Variants in HIP1 observed in about 807,000 individuals in gnomAD.
HIP1 encodes the protein huntingtin interacting protein 1, also known as huntingtin-interacting protein 1.
HIP1 carries 65 observed loss-of-function variants against 147.6 expected under a neutral mutation model. That is an observed-to-expected ratio of 0.44 (90% CI 0.36 to 0.54). The LOEUF is 0.54. Among genes scored for constraint, HIP1 ranks in the 20% least tolerant of loss-of-function variants. The pLI is 0.00. For synonymous variants in HIP1, 479 were observed against 504.0 expected, an observed-to-expected ratio of 0.95 and a Z score of 0.67; for missense variants, 1,061 against 1,299.6, an observed-to-expected ratio of 0.82 and a Z score of 2.82.
chr7:75,684,755 G>A (rs1554517414), intron 1 of HIP1, among the ~76,000 whole-genome samples: 1 of 152,108 alleles, frequency 6.6e-6, no homozygotes. Context: ...TTGTTCACAT[G>A]TCCCTAGAAG....
chr7:75,669,783 A>G (rs1799680835), intron 1 of HIP1, among the ~76,000 whole-genome samples: 1 of 152,154 alleles, frequency 6.6e-6, no homozygotes, highest in South Asian at 2.1e-4. Flanking sequence ...ATGTTGTAGC[A>G]TGAATCAGCA....
intron 1 of HIP1, among the ~76,000 whole-genome samples, chr7:75,703,955 A>G (rs1360949627): frequency 2.0e-5 from 3 of 152,156 alleles, no homozygotes; most frequent in Non-Finnish European, 4.4e-5. Context: ...GAGTCTAGGG[A>G]AAAGCCAGGG....
In HIP1 at chr7:75,592,519, G is replaced by C. The variant is rs782119761; in HGVS notation, c.185-5C>G. On this transcript the variant is annotated splice_polypyrimidine_tract_variant and splice_region_variant and intron_variant, in intron 2 of 30. Coordinates refer to ENST00000336926, the MANE Select transcript of HIP1 (RefSeq NM_005338.7). The stretch of plus-strand genomic sequence containing the variant: ...GGTGGGTGCCCAGTATGCACGGTGA[G>C]GGGGGGTTATGGAAAACAACGGATG... 2 of 1,605,708 alleles carry C rather than the reference G, an allele frequency of 1.2e-6. No homozygotes were observed. The highest frequency in any genetic ancestry group is 2.2e-5 in the South Asian group (2 of 90,564).
chr7:75,606,381 AC>A (rs1797224607), intron 1 of HIP1, among the ~76,000 whole-genome samples: 1 of 152,090 alleles, frequency 6.6e-6, no homozygotes, highest in Non-Finnish European at 1.5e-5. Context: ...GGAGTTCAAG[AC>A]CAGCCTAGCC....
In HIP1 at chr7:75,567,556, A is replaced by G. The variant is rs587754263; in HGVS notation, c.803+643T>C. 3.3e-5 allele frequency among the ~76,000 whole-genome samples: 5 copies of G among 151,502 alleles called. No individual in the cohort carries two copies. In the East Asian group the frequency reaches 9.7e-4, roughly 29 times the overall value. ...AGTGGCTCACGCCTGTAATCCCAACACTTTGGGAGGCTGAGGTGGGCAGAT... is the reference window on the plus strand; with the variant it reads ...AGTGGCTCACGCCTGTAATCCCAACGCTTTGGGAGGCTGAGGTGGGCAGAT... On this transcript the variant is annotated intron_variant, in intron 9 of 30. Transcript: ENST00000336926.
chr7:75,611,867 C>T, intron 1 of HIP1: 2 of 1,019,794 alleles, frequency 2.0e-6, no homozygotes, highest in Non-Finnish European at 2.4e-6. Flanking sequence ...AGGAAGGGCG[C>T]CTTTCTCCCA....
At chr7:75,737,268 C>T (rs566975240) in intron 1 of HIP1, among the ~76,000 whole-genome samples, 2 of 151,836 alleles carry the variant, frequency 1.3e-5, no homozygotes, top group African/African-American at 4.8e-5. Flanking sequence ...CACTATGTTG[C>T]CCAGGTGGGG....
intron 1 of HIP1, among the ~76,000 whole-genome samples, chr7:75,637,641 G>A (rs1195665666): frequency 2.1e-5 from 3 of 145,726 alleles, no homozygotes; most frequent in Non-Finnish European, 4.5e-5. Flanking sequence ...CCAACCTCTG[G>A]GCACTCACTG....
At chr7:75,632,731 A>G (rs1230710638) in intron 1 of HIP1, among the ~76,000 whole-genome samples, 2 of 152,052 alleles carry the variant, frequency 1.3e-5, no homozygotes, top group Non-Finnish European at 2.9e-5. Flanking sequence ...CAGGTCTCAG[A>G]TATTGTTAAA....
chr7:75,544,957 G>A (rs587626309), intron 26 of HIP1, 131 bp downstream of exon 26: 32 of 751,976 alleles, frequency 4.3e-5, no homozygotes, highest in South Asian at 2.7e-4. Context: ...TTGTAAACTC[G>A]GTCCTATTGA....
At chr7:75,572,586 G>T (rs1554496863) in intron 8 of HIP1, among the ~76,000 whole-genome samples, 3 of 152,206 alleles carry the variant, frequency 2.0e-5, no homozygotes, top group Non-Finnish European at 4.4e-5. Context: ...GCCTGCCACT[G>T]CCATCATGCC....
intron 1 of HIP1, among the ~76,000 whole-genome samples, chr7:75,689,974 A>G (rs531432608): frequency 1.3e-5 from 2 of 151,690 alleles, no homozygotes; most frequent in Admixed American, 1.3e-4. Context: ...ATTTGATTTT[A>G]TTTTTTTTCC....
intron 23 of HIP1, 95 bp from the exon 24 acceptor site, chr7:75,547,908 G>A (rs1794632287): frequency 8.7e-7 from 1 of 1,143,234 alleles, no homozygotes; most frequent in African/African-American, 1.5e-5. Flanking sequence ...TGTGGTAGCT[G>A]GGAAACCTGA....
At chr7:75,699,997 C>T (rs1554519068) in intron 1 of HIP1, among the ~76,000 whole-genome samples, 1 of 152,108 alleles carries the variant, frequency 6.6e-6, no homozygotes, top group Admixed American at 6.6e-5. Flanking sequence ...ATTACAGGTG[C>T]GCACCACTAC....
intron 1 of HIP1, among the ~76,000 whole-genome samples, chr7:75,603,097 AG>A (rs1181068141): frequency 6.6e-6 from 1 of 152,040 alleles, no homozygotes; most frequent in Non-Finnish European, 1.5e-5. Context: ...CTGTCATCCC[AG>A]CACTTTGAGA....
At chr7:75,560,096 A>G (rs370419668) in intron 13 of HIP1, among the ~76,000 whole-genome samples, 181 bp from the exon 14 acceptor site, 1 of 152,092 alleles carries the variant, frequency 6.6e-6, no homozygotes, top group African/African-American at 2.4e-5. Context: ...CAACAATAAC[A>G]GGGGATGATG....
At position 75,568,428 on chromosome 7, in the gene HIP1, C is replaced by G. The variant is rs1179217619; in HGVS notation, c.746-172G>C. The stretch of plus-strand genomic sequence containing the variant: ...AGGTCTGGTAACCAAGGGAGCCCAG[C>G]AGGAACCAGCAGGAGTGTGGAGACG... On this transcript the variant is annotated intron_variant, in intron 8 of 30. Coordinates refer to ENST00000336926, the MANE Select transcript of HIP1 (RefSeq NM_005338.7). This position sits in a 1 kb window ranked among gnomAD's most constrained non-coding sequence, Gnocchi z 4.1. Among the ~76,000 whole-genome samples, 2 of 152,168 alleles carry G rather than the reference C, an allele frequency of 1.3e-5. No homozygotes were observed. Among genetic ancestry groups the G allele is most frequent in the African/African-American group, 4.8e-5 (2 of 41,444 alleles).
At chr7:75,620,049 C>T (rs1472562692) in intron 1 of HIP1, among the ~76,000 whole-genome samples, 4 of 152,102 alleles carry the variant, frequency 2.6e-5, no homozygotes, top group African/African-American at 7.2e-5. Flanking sequence ...CTCATTCATT[C>T]GACATATATT....
At chr7:75,580,099 C>T (rs1554498331) in intron 7 of HIP1, among the ~76,000 whole-genome samples, 1 of 152,172 alleles carries the variant, frequency 6.6e-6, no homozygotes, top group Admixed American at 6.6e-5. Context: ...TGTGGCCACT[C>T]CCCCTGCTAG....
Sources: allele counts gnomAD v4.1 joint callset (sites outside exome capture counted in the v4.1 genomes callset), GRCh38; gene constraint gnomAD v4.1.1; non-coding constraint Gnocchi (gnomAD v3.1); transcripts MANE v1.5; gene names NCBI Gene and HGNC (gene_info 2026-07-23, HGNC 2026-07-21).